Variants in KCNG2 observed in about 807,000 individuals in gnomAD.
KCNG2 encodes the protein voltage-gated potassium channel regulatory subunit KCNG2.
In KCNG2, 7 loss-of-function variants were observed where a neutral mutation model predicts 12.3. The ratio of observed to expected loss-of-function variants is 0.57; its 90% CI spans 0.32 to 1.07. The LOEUF (loss-of-function observed/expected upper bound fraction) is 1.07, where lower values mean the gene tolerates loss of function less well. KCNG2 is among the 50% of genes least tolerant of loss of function. The probability of loss-of-function intolerance (pLI) is 0.04; values close to 1 mark genes in which losing one functional copy is unlikely to be tolerated. For missense variants in KCNG2, 703 were observed against 726.0 expected (o/e 0.97, Z 0.36); for synonymous variants, 414 against 351.4 (o/e 1.18, Z -1.99).
chr18:79,798,532 C>G (rs1434514334), intron 1 of KCNG2, among the ~76,000 whole-genome samples: 2 of 152,214 alleles, frequency 1.3e-5, no homozygotes, highest in East Asian at 3.9e-4. Flanking sequence ...CTGCGCCTTT[C>G]CCGGTCCCCC....
intron 1 of KCNG2, among the ~76,000 whole-genome samples, chr18:79,798,880 C>T (rs745852531): frequency 3.9e-5 from 6 of 152,220 alleles, no homozygotes; most frequent in Non-Finnish European, 7.3e-5. Flanking sequence ...CCACAAGTCC[C>T]GGAGACCCTG....
chr18:79,887,136 A>C (rs1338383511), intron 3 of KCNG2, among the ~76,000 whole-genome samples: 1 of 145,042 alleles, frequency 6.9e-6, no homozygotes, highest in South Asian at 2.1e-4. Context: ...ATGCCTAGGG[A>C]CACGGACAGG....
At chr18:79,817,305 C>T (rs1252007354) in intron 1 of KCNG2, among the ~76,000 whole-genome samples, 1 of 151,750 alleles carries the variant, frequency 6.6e-6, no homozygotes, top group Non-Finnish European at 1.5e-5. Flanking sequence ...GCCTGCCTCA[C>T]GGCTGCCACA....
intron 2 of KCNG2, among the ~76,000 whole-genome samples, chr18:79,861,082 A>T (rs1412303593): frequency 1.3e-5 from 2 of 152,074 alleles, no homozygotes; most frequent in Non-Finnish European, 2.9e-5. Context: ...TTATCGCATG[A>T]TTTTTCCCTT....
chr18:79,895,145 G>A (rs1980916198), intron 3 of KCNG2, among the ~76,000 whole-genome samples: 1 of 151,942 alleles, frequency 6.6e-6, no homozygotes, highest in East Asian at 1.9e-4. Flanking sequence ...TGGTACAATT[G>A]ATATAGTTGG....
chr18:79,798,415 C>G (rs566578895), intron 1 of KCNG2, among the ~76,000 whole-genome samples: 2 of 152,198 alleles, frequency 1.3e-5, no homozygotes, highest in Non-Finnish European at 2.9e-5. Context: ...GAGGAAGGGG[C>G]GCGGGTCTCG....
At chr18:79,866,297 TGCTGAGAG>T in intron 3 of KCNG2, among the ~76,000 whole-genome samples, 1 of 139,132 alleles carries the variant, frequency 7.2e-6, no homozygotes, top group Non-Finnish European at 1.5e-5. Flanking sequence ...GAGGTCTGTG[TGCTGAGAG>T]TGTGGGTGCT....
At chr18:79,812,013 C>T (rs1037698253) in intron 1 of KCNG2, among the ~76,000 whole-genome samples, 2 of 152,010 alleles carry the variant, frequency 1.3e-5, no homozygotes, top group African/African-American at 4.8e-5. Flanking sequence ...CATCAGGCCC[C>T]AGAAAGAGAG....
intron 1 of KCNG2, among the ~76,000 whole-genome samples, chr18:79,805,555 A>G (rs1202241998): frequency 1.3e-5 from 2 of 150,812 alleles, no homozygotes; most frequent in African/African-American, 2.4e-5. Context: ...TTTTTCTTCT[A>G]TCGTCTGTTT....
intron 3 of KCNG2, among the ~76,000 whole-genome samples, chr18:79,882,660 G>A (rs1490458046): frequency 2.0e-5 from 3 of 152,262 alleles, no homozygotes; most frequent in Non-Finnish European, 4.4e-5. Context: ...AAAACCAGCC[G>A]AGAGCAGCAA....
Position 79,872,294 on chromosome 18 carries a change from T to TTTTTTG in KCNG2, c.624+8008_624+8009insGTTTTT, listed in dbSNP as rs1599415999. Among the ~76,000 whole-genome samples, 11 of 77,384 alleles carry TTTTTTG rather than the reference T, an allele frequency of 1.4e-4. 2 individuals carry two copies. In the East Asian group the frequency reaches 4.7e-3, roughly 33 times the overall value. The allele number at this position is 77,384 out of a possible 152,430, so 50.8% of individuals were successfully genotyped here. On this transcript the variant is annotated intron_variant, in intron 3 of 3. Transcript: ENST00000316249. Reference sequence around the variant, plus strand: ...TCAAAGCTTCAGTTTTTTTTTTTTTTTTTTTTTTTGAGATGGAGTCTCACT... The same window carrying TTTTTTG: ...TCAAAGCTTCAGTTTTTTTTTTTTTTTTTTTGTTTTTTTTTGAGATGGAGTCTCACT...
rs1980423529 is a variant in KCNG2 at position 79,884,052 on chromosome 18, C to T, written c.625-14988C>T. ...GTTTCTATCCCAACCCCCGCCCTGC[C>T]ATCTTTTCTTCTCCCAGTGCCTCCC... is the stretch of plus-strand genomic sequence containing the variant. On this transcript the variant is annotated intron_variant, in intron 3 of 3. Transcript: ENST00000316249. The surrounding 1 kb of genome is among the most constrained non-coding windows in gnomAD (Gnocchi z 5.5). Among the ~76,000 whole-genome samples, 1 of 151,974 alleles carries T rather than the reference C, an allele frequency of 6.6e-6. No individual in the cohort carries two copies. The highest frequency in any genetic ancestry group is 1.5e-5 in the Non-Finnish European group (1 of 67,974).
At chr18:79,895,738 T>C (rs191647736) in intron 3 of KCNG2, among the ~76,000 whole-genome samples, 1 of 152,192 alleles carries the variant, frequency 6.6e-6, no homozygotes, top group East Asian at 1.9e-4. Context: ...CATTCCCATC[T>C]AATGTTATGA....
At chr18:79,815,123 T>G (rs2087519633) in intron 1 of KCNG2, among the ~76,000 whole-genome samples, 1 of 151,896 alleles carries the variant, frequency 6.6e-6, no homozygotes, top group South Asian at 2.1e-4. Flanking sequence ...ATCCTCAGGG[T>G]GAGGTATTAC....
chr18:79,847,230 C>T (rs112719356), intron 1 of KCNG2, among the ~76,000 whole-genome samples: 156 of 152,342 alleles, frequency 1.0e-3, no homozygotes, highest in African/African-American at 3.4e-3. Context: ...ACAAGGTCCC[C>T]CAGGTGCCTT....
chr18:79,825,557 G>A (rs1361141371), intron 1 of KCNG2, among the ~76,000 whole-genome samples: 2 of 152,192 alleles, frequency 1.3e-5, no homozygotes, highest in East Asian at 3.8e-4. Context: ...CCTCAGCGAG[G>A]AGTCTCAGAA....
chr18:79,867,411 G>A (rs1163022630), intron 3 of KCNG2, among the ~76,000 whole-genome samples: 2 of 147,728 alleles, frequency 1.4e-5, no homozygotes, highest in Non-Finnish European at 3.0e-5. Flanking sequence ...CTCAGCATGT[G>A]TCATGTCTGG....
chr18:79,818,446 GC>G (rs1246349509), intron 1 of KCNG2, among the ~76,000 whole-genome samples: 2 of 152,050 alleles, frequency 1.3e-5, no homozygotes, highest in Non-Finnish European at 2.9e-5. Context: ...CCGCTGCCTG[GC>G]CCCCTCGATT....
chr18:79,849,700 G>T (rs895084303), intron 1 of KCNG2, among the ~76,000 whole-genome samples: 3 of 152,266 alleles, frequency 2.0e-5, no homozygotes, highest in Non-Finnish European at 4.4e-5. Flanking sequence ...CAGAGCGGAG[G>T]CTGGGGCCAC....
Sources: gnomAD v4.1 joint callset for allele counts (sites outside exome capture counted in the v4.1 genomes callset) on GRCh38, gnomAD v4.1.1 for gene constraint, Gnocchi (gnomAD v3.1) non-coding constraint, MANE v1.5 for transcripts, NCBI Gene and HGNC (gene_info 2026-07-23, HGNC 2026-07-21) for gene names.